DSN1: variants seen among roughly 807,000 people sequenced by gnomAD.
DSN1 encodes kinetochore-associated protein DSN1 homolog.
A neutral mutation model predicts 45.7 loss-of-function variants in DSN1; 31 were observed. The ratio of observed to expected loss-of-function variants is 0.68; its 90% CI spans 0.51 to 0.92. The LOEUF is 0.92. Ranked by LOEUF, DSN1 falls within the 40% of genes least tolerant of loss-of-function variation. The probability of loss-of-function intolerance (pLI) is 0.00; values close to 1 mark genes in which losing one functional copy is unlikely to be tolerated. For synonymous variants in DSN1, 134 were observed against 142.3 expected, an observed-to-expected ratio of 0.94 and a Z score of 0.41; for missense variants, 394 against 414.2, an observed-to-expected ratio of 0.95 and a Z score of 0.42.
rs1205128799 is a variant in DSN1 at position 36,752,849 on chromosome 20, AAC to A, written c.1008_1009del (p.Leu337GlufsTer23). 1.2e-6 allele frequency: 2 copies of A among 1,614,202 alleles called. No homozygotes were observed. Among genetic ancestry groups the A allele is most frequent in the Non-Finnish European group, 1.7e-6 (2 of 1,180,042 alleles). ...AGGTGGGTTCTGTAGCTGAAGCTTC[AAC>A]AGTTTTCGAGCTGGTGAGGGATCTA... On this transcript the variant is annotated frameshift_variant, in exon 11 of 11. Transcript: ENST00000373750. LOFTEE classifies it low-confidence loss of function (END_TRUNC).
At chr20:36,762,098 TTC>T (rs1987018540) in intron 6 of DSN1, among the ~76,000 whole-genome samples, 1 of 148,810 alleles carries the variant, frequency 6.7e-6, no homozygotes, top group Non-Finnish European at 1.5e-5. Context: ...AAAGTCCTAA[TTC>T]TTTTTTTTTT....
Position 36,771,461 on chromosome 20 carries a change from T to G in DSN1, c.-3A>C. 6.2e-7 allele frequency: 1 copy of G among 1,613,420 alleles called. No homozygotes were observed. Among genetic ancestry groups the G allele is most frequent in the South Asian group, 1.1e-5 (1 of 91,060 alleles). ...TCTGATCTAGTCACTGAAGTCATCC[T>G]AGGTGGTAAACTCTGAAAATAGGAA... On this transcript the variant is annotated 5_prime_UTR_variant, in exon 2 of 11. Coordinates refer to ENST00000373750, the MANE Select transcript of DSN1 (RefSeq NM_001145315.2).
rs372365736 is a variant in DSN1 at position 36,755,669 on chromosome 20, T to C, written c.873+13A>G. The stretch of plus-strand genomic sequence containing the variant: ...GCTGGATAACTCAACTAAATAAACA[T>C]GAGCCCACTTACCACCAACTCCATA... On this transcript the variant is annotated intron_variant, in intron 9 of 10. Transcript: ENST00000373750. 6.4e-5 allele frequency: 103 copies of C among 1,608,240 alleles called. No homozygotes were observed. The highest frequency in any genetic ancestry group is 7.9e-5 in the Non-Finnish European group (93 of 1,177,802).
At chr20:36,771,400 T>C (rs1017757351) in intron 2 of DSN1, 25 bp downstream of exon 2, 6 of 1,610,910 alleles carry the variant, frequency 3.7e-6, no homozygotes, top group Non-Finnish European at 5.1e-6. Flanking sequence ...AGGTAAGAGG[T>C]ACTGAATTTC....
chr20:36,771,684 A>T (rs943208158), intron 1 of DSN1, among the ~76,000 whole-genome samples: 4 of 152,204 alleles, frequency 2.6e-5, no homozygotes, highest in African/African-American at 9.6e-5. Context: ...AATCTCCCTG[A>T]ACACATACCC....
intron 8 of DSN1, among the ~76,000 whole-genome samples, chr20:36,756,333 A>G (rs1278179420): frequency 6.6e-6 from 1 of 151,948 alleles, no homozygotes. Flanking sequence ...ATACCTCCGG[A>G]CTCCAGGAAA....
intron 5 of DSN1, among the ~76,000 whole-genome samples, chr20:36,764,618 A>C (rs1286568283): frequency 5.3e-5 from 8 of 152,212 alleles, no homozygotes; most frequent in Admixed American, 5.2e-4. Flanking sequence ...CACCATCCTA[A>C]GTTTTAAAAA....
Position 36,752,584 on chromosome 20 carries a change from GCA to G in DSN1, c.*202_*203del. On this transcript the variant is annotated 3_prime_UTR_variant, in exon 11 of 11. Coordinates refer to ENST00000373750, the MANE Select transcript of DSN1 (RefSeq NM_001145315.2). The stretch of plus-strand genomic sequence containing the variant: ...AGAAGTTTGAACTTTCAAGCATTTT[GCA>G]CATTCCTGGGAAAATTGTCTATACA... The G allele has an allele frequency of 2.2e-6, 1 of 451,064 alleles. No individual in the cohort carries two copies. The highest frequency in any genetic ancestry group is 3.9e-6 in the Non-Finnish European group (1 of 254,232). 27.9% of individuals were successfully genotyped at this position (451,064 alleles called of 1,614,324 possible).
intron 10 of DSN1, 101 bp downstream of exon 10, chr20:36,754,662 G>T (rs1986572461): frequency 1.1e-6 from 1 of 894,542 alleles, no homozygotes; most frequent in Non-Finnish European, 1.8e-6. Context: ...CCTCATATAG[G>T]TCTTACCCTC....
At chr20:36,752,933 T>C (rs1302951770) in intron 10 of DSN1, 36 bp from the exon 11 acceptor site, 5 of 1,520,532 alleles carry the variant, frequency 3.3e-6, no homozygotes, top group Non-Finnish European at 4.6e-6. Context: ...AAATTTCAAT[T>C]GAAATAACGT....
intron 1 of DSN1, 102 bp downstream of exon 1, chr20:36,773,560 G>A: frequency 2.0e-6 from 2 of 985,914 alleles, no homozygotes; most frequent in Non-Finnish European, 2.4e-6. Flanking sequence ...GAGCTGGGCC[G>A]ACGGGTACGA....
intron 8 of DSN1, among the ~76,000 whole-genome samples, chr20:36,757,287 T>C (rs569547613): frequency 2.6e-5 from 4 of 151,054 alleles, no homozygotes; most frequent in African/African-American, 7.3e-5. Context: ...ACTAGGGAGT[T>C]GGAGGCTGCA....
chr20:36,754,694 G>T (rs755895887), intron 10 of DSN1, 69 bp downstream of exon 10: 2 of 1,334,488 alleles, frequency 1.5e-6, no homozygotes, highest in Non-Finnish European at 2.1e-6. Context: ...GCTTTGAAGG[G>T]CAGTTTGTAT....
intron 8 of DSN1, among the ~76,000 whole-genome samples, chr20:36,757,365 C>CA (rs1986730519): frequency 6.6e-6 from 1 of 151,156 alleles, no homozygotes; most frequent in African/African-American, 2.4e-5. Flanking sequence ...AAAAAAACAA[C>CA]AAAAAAACAC....
At chr20:36,764,058 T>A (rs539978893) in intron 5 of DSN1, among the ~76,000 whole-genome samples, 39 of 151,560 alleles carry the variant, frequency 2.6e-4, no homozygotes, top group Middle Eastern at 3.4e-3. Flanking sequence ...TACAAAAAAA[T>A]TTTTTTTAGA....
chr20:36,770,732 G>A (rs903074473), intron 3 of DSN1, 141 bp downstream of exon 3: 1 of 925,958 alleles, frequency 1.1e-6, no homozygotes, highest in African/African-American at 1.7e-5. Flanking sequence ...TTTACTAGGT[G>A]TTTGACATCA....
chr20:36,753,780 G>A (rs548205222), intron 10 of DSN1, among the ~76,000 whole-genome samples: 31 of 151,868 alleles, frequency 2.0e-4, no homozygotes, highest in Non-Finnish European at 3.8e-4. Context: ...GCCAAGGCAG[G>A]TGGATCACCT....
chr20:36,767,835 G>A, intron 4 of DSN1, 134 bp downstream of exon 4: 1 of 797,970 alleles, frequency 1.3e-6, no homozygotes, highest in Non-Finnish European at 2.0e-6. Context: ...CTGGGAGGCG[G>A]AGGTTGCAGT....
intron 8 of DSN1, among the ~76,000 whole-genome samples, chr20:36,756,977 T>C (rs540773302): frequency 2.6e-5 from 4 of 152,316 alleles, no homozygotes; most frequent in East Asian, 1.9e-4. Flanking sequence ...GGGTTTTGAC[T>C]AACATTTTGT....
Sources: allele counts gnomAD v4.1 joint callset (sites outside exome capture counted in the v4.1 genomes callset), GRCh38; gene constraint gnomAD v4.1.1; transcripts MANE v1.5; gene names NCBI Gene and HGNC (gene_info 2026-07-23, HGNC 2026-07-21).